Variants in DAP3 observed in about 807,000 individuals in gnomAD.
The protein encoded by DAP3 is small ribosomal subunit protein mS29.
Under a neutral mutation model 51.9 loss-of-function variants are expected in DAP3, and 28 were observed. The ratio of observed to expected loss-of-function variants is 0.54; its 90% CI spans 0.40 to 0.74. DAP3 has a LOEUF of 0.74. DAP3 is among the 30% of genes least tolerant of loss of function. The pLI is 0.00. For missense variants in DAP3, 458 were observed against 483.5 expected (o/e 0.95, Z 0.49); for synonymous variants, 170 against 170.3 (o/e 1.00, Z 0.01).
At chr1:155,738,125 C>G (rs1659995344) in intron 12 of DAP3, 32 bp from the exon 13 acceptor site, 1 of 1,608,752 alleles carries the variant, frequency 6.2e-7, no homozygotes, top group Non-Finnish European at 8.5e-7. Context: ...CAGGAGGAAA[C>G]TGCCACTTAC....
rs1571507494 is a variant in DAP3 at position 155,717,037 on chromosome 1, C to T, written c.77C>T (p.Thr26Ile). ...LDPGRFLHMG[T>I]QARQSIAAHL... Reference sequence around the variant, plus strand: ...CCTGGGCGTTTTTTACACATGGGGACCCAGGCTCGCCAAAGCATTGCTGCT... The same window carrying T: ...CCTGGGCGTTTTTTACACATGGGGATCCAGGCTCGCCAAAGCATTGCTGCT... The change falls in exon 3 of 13, where the codon ACC becomes ATC. Residue 26 changes from threonine (T) to isoleucine (I), a missense_variant. By Grantham distance (89) the Thr-to-Ile change is moderately conservative (BLOSUM62 -1). Coordinates refer to ENST00000368336, the MANE Select transcript of DAP3 (RefSeq NM_004632.4). 1.2e-6 allele frequency: 2 copies of T among 1,613,910 alleles called. No homozygotes were observed. The highest frequency in any genetic ancestry group is 2.2e-5 in the South Asian group (2 of 91,060).
At chr1:155,726,323 C>T (rs1211275621) in intron 6 of DAP3, 4 of 166,392 alleles carry the variant, frequency 2.4e-5, no homozygotes, top group African/African-American at 5.4e-5. Context: ...GAGTCTTGCT[C>T]TGTCGCCCAG....
chr1:155,709,694 T>C, intron 1 of DAP3, 79 bp from the exon 2 acceptor site: 1 of 1,222,468 alleles, frequency 8.2e-7, no homozygotes, highest in Non-Finnish European at 1.2e-6. Flanking sequence ...TCCCTATTAA[T>C]CTATTGTCAG....
intron 2 of DAP3, chr1:155,710,288 G>A (rs12408943): frequency 3.3e-5 from 5 of 150,660 alleles, no homozygotes; most frequent in African/African-American, 1.2e-4. Context: ...GGAGTGTGCA[G>A]TGGCGCAATC....
intron 1 of DAP3, among the ~76,000 whole-genome samples, chr1:155,701,051 T>G (rs1274599507): frequency 4.0e-5 from 3 of 74,666 alleles, no homozygotes; most frequent in South Asian, 3.9e-4. Flanking sequence ...GGGAGGGAGG[T>G]GGGGGGGGGT....
chr1:155,688,975 A>C (rs147058489), upstream of DAP3: 1 of 1,607,234 alleles, frequency 6.2e-7, no homozygotes, highest in Non-Finnish European at 8.5e-7. Context: ...CTCCTCCTCC[A>C]TGGGACCGCG....
upstream of DAP3, chr1:155,688,654 C>T (rs778798759): frequency 4.6e-6 from 7 of 1,533,940 alleles, no homozygotes; most frequent in Non-Finnish European, 5.2e-6. Context: ...GGCCCTCACG[C>T]GTACCTTCAG....
At chr1:155,688,249 G>A (rs1374981890), upstream of DAP3, 9 of 1,608,394 alleles carry the variant, frequency 5.6e-6, no homozygotes, top group Non-Finnish European at 6.8e-6. Flanking sequence ...GGGCTAAAGG[G>A]GCAAACTGAG....
chr1:155,715,521 TA>T (rs1275487303), intron 2 of DAP3, among the ~76,000 whole-genome samples: 2 of 117,508 alleles, frequency 1.7e-5, no homozygotes, highest in Non-Finnish European at 3.3e-5. Flanking sequence ...GACCCTGTCT[TA>T]AAAAAAAGAG....
At chr1:155,691,857 T>C (rs1446185475) in intron 1 of DAP3, among the ~76,000 whole-genome samples, 1 of 141,284 alleles carries the variant, frequency 7.1e-6, no homozygotes, top group Non-Finnish European at 1.5e-5. Flanking sequence ...GCACCACCCG[T>C]AGGGTATCCG....
chr1:155,705,960 C>T (rs1655915651), intron 1 of DAP3, among the ~76,000 whole-genome samples: 1 of 152,116 alleles, frequency 6.6e-6, no homozygotes, highest in Admixed American at 6.6e-5. Context: ...CTCGGCCTCC[C>T]AAAATACTAG....
At chr1:155,713,389 C>T (rs1656943555) in intron 2 of DAP3, among the ~76,000 whole-genome samples, 2 of 152,228 alleles carry the variant, frequency 1.3e-5, no homozygotes, top group Admixed American at 6.5e-5. Flanking sequence ...AACTCTAGTA[C>T]TTGACAGTTA....
chr1:155,730,601 A>T (rs932067881), intron 9 of DAP3, among the ~76,000 whole-genome samples: 1 of 152,084 alleles, frequency 6.6e-6, no homozygotes, highest in African/African-American at 2.4e-5. Flanking sequence ...GGGCAACAGA[A>T]TGAGACTCTG....
chr1:155,709,690 T>C (rs1381930981), intron 1 of DAP3, 83 bp from the exon 2 acceptor site: 1 of 1,159,262 alleles, frequency 8.6e-7, no homozygotes, highest in Admixed American at 1.9e-5. Flanking sequence ...TTAATCCCTA[T>C]TAATCTATTG....
At chr1:155,736,365 C>G (rs895216473) in intron 11 of DAP3, among the ~76,000 whole-genome samples, 1 of 151,970 alleles carries the variant, frequency 6.6e-6, no homozygotes, top group Non-Finnish European at 1.5e-5. Context: ...TGTGTGTGTG[C>G]GTGTGTATGT....
At chr1:155,725,876 A>T in intron 5 of DAP3, 51 bp from the exon 6 acceptor site, 1 of 1,554,832 alleles carries the variant, frequency 6.4e-7, no homozygotes, top group East Asian at 2.2e-5. Flanking sequence ...ACTACTGTTC[A>T]CATACAAGTG....
intron 1 of DAP3, among the ~76,000 whole-genome samples, chr1:155,703,568 TG>T (rs945975672): frequency 6.6e-6 from 1 of 152,162 alleles, no homozygotes; most frequent in African/African-American, 2.4e-5. Context: ...GACAGGGTCT[TG>T]CTCTGTCGCC....
Position 155,729,277 on chromosome 1 carries a change from T to C in DAP3, c.754T>C (p.Ser252Pro). 1 of 1,614,118 alleles carries C rather than the reference T, an allele frequency of 6.2e-7. No individual in the cohort carries two copies. Among genetic ancestry groups the C allele is most frequent in the Non-Finnish European group, 8.5e-7 (1 of 1,180,032 alleles). Residue 252 changes from serine (S) to proline (P), a missense_variant, in exon 9 of 13, where the codon TCT becomes CCT. Physicochemically the swap from Ser to Pro is moderately conservative, Grantham distance 74 (BLOSUM62 -1). Transcript: ENST00000368336. ...IVLKELKRQSSLGMFHLLVAV... is the reference protein window; with the variant it reads ...IVLKELKRQSPLGMFHLLVAV... ...GCTGAAAGAGCTAAAGAGGCAAAGT[T>C]CTTTGGGTATGTTTCACCTCCTAGT...
intron 1 of DAP3, among the ~76,000 whole-genome samples, chr1:155,705,414 T>C (rs539776992): frequency 1.9e-4 from 28 of 151,146 alleles, no homozygotes; most frequent in African/African-American, 6.1e-4. Flanking sequence ...CTGGGCACCA[T>C]AGCAAGGGTT....
Sources: allele counts gnomAD v4.1 joint callset (sites outside exome capture counted in the v4.1 genomes callset), GRCh38; gene constraint gnomAD v4.1.1; transcripts MANE v1.5; gene names NCBI Gene and HGNC (gene_info 2026-07-23, HGNC 2026-07-21).